MARK1: variants seen among roughly 807,000 people sequenced by gnomAD.
The protein encoded by MARK1 is serine/threonine-protein kinase MARK1.
A neutral mutation model predicts 96.3 loss-of-function variants in MARK1; 40 were observed. The ratio of observed to expected loss-of-function variants is 0.42; its 90% CI spans 0.32 to 0.54. MARK1 has a LOEUF of 0.54. Ranked by LOEUF, MARK1 falls within the 20% of genes least tolerant of loss-of-function variation. The pLI, the probability that MARK1 is intolerant of heterozygous loss-of-function variation, is 0.16. For missense variants in MARK1, 719 were observed against 984.6 expected (o/e 0.73, Z 3.61); for synonymous variants, 317 against 341.2 (o/e 0.93, Z 0.78).
chr1:220,592,551 G>A (rs893521885), intron 3 of MARK1, among the ~76,000 whole-genome samples: 2 of 152,112 alleles, frequency 1.3e-5, no homozygotes, highest in East Asian at 1.9e-4. Context: ...GCAGCCTTAC[G>A]AGACCTGAGC....
At chr1:220,593,119 A>C (rs1665105731) in intron 3 of MARK1, among the ~76,000 whole-genome samples, 1 of 152,192 alleles carries the variant, frequency 6.6e-6, no homozygotes, top group South Asian at 2.1e-4. Context: ...GAAACATAAT[A>C]ATGCTACTTA....
In MARK1 at chr1:220,579,359, A is replaced by G; in HGVS notation, c.57A>G (p.Thr19=). ...TVNERDTENH[T]SVDGYTEPHI... Reference sequence around the variant, plus strand: ...TCTTGTAAACTTTTTCTTAGCATACATCTGTGGATGGATATACTGAACCAC... The same window carrying G: ...TCTTGTAAACTTTTTCTTAGCATACGTCTGTGGATGGATATACTGAACCAC... Residue 19 remains threonine, a synonymous_variant, in exon 2 of 18, where the codon ACA becomes ACG. Coordinates refer to ENST00000366917, the MANE Select transcript of MARK1 (RefSeq NM_018650.5). 1 of 1,612,704 alleles carries G rather than the reference A, an allele frequency of 6.2e-7. No homozygotes were observed. The highest frequency in any genetic ancestry group is 8.5e-7 in the Non-Finnish European group (1 of 1,178,772).
At chr1:220,614,839 T>A (rs908808797) in intron 6 of MARK1, among the ~76,000 whole-genome samples, 1 of 152,186 alleles carries the variant, frequency 6.6e-6, no homozygotes, top group Non-Finnish European at 1.5e-5. Flanking sequence ...CAAACCATTT[T>A]AATATACATT....
At chr1:220,530,059 A>G (rs773780929) in intron 1 of MARK1, among the ~76,000 whole-genome samples, 10 of 152,198 alleles carry the variant, frequency 6.6e-5, no homozygotes, top group Non-Finnish European at 1.3e-4. Flanking sequence ...ATACAAGCTC[A>G]CTTCTGAGTT....
rs759242491 is a variant in MARK1 at position 220,652,006 on chromosome 1, G to A, written c.1592G>A (p.Ser531Asn). 3.1e-6 allele frequency: 5 copies of A among 1,606,342 alleles called. No homozygotes were observed. Among genetic ancestry groups the A allele is most frequent in the Non-Finnish European group, 4.3e-6 (5 of 1,173,986 alleles). The change falls in exon 15 of 18, where the codon AGT becomes AAT. Residue 531 changes from serine to asparagine, a missense_variant. This residue lies in a region of MARK1 where 501 missense variants were observed against 588.3 expected (regional missense o/e 0.85). Transcript: ENST00000366917. Reference protein sequence around the residue: ...KDSSLTEMSVSSISSAGSSVA... With the variant: ...KDSSLTEMSVNSISSAGSSVA... ...GAAAGCCTTACGGAGATGTCTGTGA[G>A]TAGCATATCTTCTGCAGGCTCTTCT...
intron 6 of MARK1, among the ~76,000 whole-genome samples, chr1:220,607,475 A>G (rs1256540336): frequency 1.3e-5 from 2 of 151,906 alleles, no homozygotes; most frequent in Non-Finnish European, 2.9e-5. Context: ...GCAAACAGGG[A>G]CCTCTTGACT....
intron 13 of MARK1, 87 bp downstream of exon 13, chr1:220,636,113 A>C (rs1300688922): frequency 5.3e-6 from 5 of 938,420 alleles, no homozygotes; most frequent in Non-Finnish European, 6.0e-6. Flanking sequence ...ATTTTTTTAA[A>C]TGATTGAAAA....
intron 3 of MARK1, among the ~76,000 whole-genome samples, chr1:220,581,624 A>ATTG (rs1341836580): frequency 6.6e-6 from 1 of 152,162 alleles, no homozygotes; most frequent in African/African-American, 2.4e-5. Flanking sequence ...AGAAGTTAAT[A>ATTG]TTGTTCATAG....
At chr1:220,572,500 C>T (rs1663543597) in intron 1 of MARK1, among the ~76,000 whole-genome samples, 1 of 152,206 alleles carries the variant, frequency 6.6e-6, no homozygotes, top group South Asian at 2.1e-4. Context: ...TCCTCAGCCT[C>T]CTGAAGTGCT....
In MARK1 at chr1:220,601,385, T is replaced by A. The variant is rs1665741695; in HGVS notation, c.424+1522T>A. 5.9e-5 allele frequency among the ~76,000 whole-genome samples: 9 copies of A among 151,780 alleles called. No homozygotes were observed. The South Asian group carries it at 1.9e-3, about 32-fold the overall frequency. On this transcript the variant is annotated intron_variant, in intron 5 of 17. Coordinates refer to ENST00000366917, the MANE Select transcript of MARK1 (RefSeq NM_018650.5). ...ACTTAACTTGAAAATCTATCATTAATGTTTATTATGATAGGATTTTAAAAA... is the reference window on the plus strand; with the variant it reads ...ACTTAACTTGAAAATCTATCATTAAAGTTTATTATGATAGGATTTTAAAAA...
At chr1:220,594,261 AG>A (rs1665177773) in intron 3 of MARK1, among the ~76,000 whole-genome samples, 1 of 152,224 alleles carries the variant, frequency 6.6e-6, no homozygotes, top group South Asian at 2.1e-4. Context: ...ATGGCAAATA[AG>A]CATATGAAAA....
intron 1 of MARK1, among the ~76,000 whole-genome samples, chr1:220,555,785 A>T (rs564633901): frequency 6.6e-6 from 1 of 152,180 alleles, no homozygotes; most frequent in African/African-American, 2.4e-5. Context: ...GGTAGAGAGA[A>T]AGTTTGGGTG....
intron 6 of MARK1, among the ~76,000 whole-genome samples, chr1:220,605,341 G>A (rs1272805253): frequency 1.3e-5 from 2 of 152,012 alleles, no homozygotes; most frequent in Non-Finnish European, 2.9e-5. Flanking sequence ...TGAATGTAAA[G>A]ACAACTAGTA....
At chr1:220,653,615 G>C (rs552329595) in intron 16 of MARK1, among the ~76,000 whole-genome samples, 1 of 152,112 alleles carries the variant, frequency 6.6e-6, no homozygotes, top group Admixed American at 6.5e-5. Flanking sequence ...CTTCAAAAAT[G>C]TGTGTTTTAA....
chr1:220,590,211 T>C (rs1664896480), intron 3 of MARK1, among the ~76,000 whole-genome samples: 1 of 152,242 alleles, frequency 6.6e-6, no homozygotes, highest in Non-Finnish European at 1.5e-5. Flanking sequence ...GAGGAAGAGA[T>C]ATCTTAGACA....
chr1:220,597,836 T>G (rs1457639383), intron 3 of MARK1, among the ~76,000 whole-genome samples: 1 of 152,216 alleles, frequency 6.6e-6, no homozygotes, highest in Non-Finnish European at 1.5e-5. Flanking sequence ...GTGTTTTTAT[T>G]GTTCTTTAAT....
At chr1:220,556,485 CAAAAAA>C (rs55808704) in intron 1 of MARK1, among the ~76,000 whole-genome samples, 12 of 85,776 alleles carry the variant, frequency 1.4e-4, no homozygotes, top group African/African-American at 4.6e-4. Flanking sequence ...GGGACTGTCA[CAAAAAA>C]AAAAAAAAAA....
intron 17 of MARK1, among the ~76,000 whole-genome samples, chr1:220,658,698 A>G (rs1669309806): frequency 6.6e-6 from 1 of 152,232 alleles, no homozygotes; most frequent in Non-Finnish European, 1.5e-5. Context: ...CAAACCTCCA[A>G]TTTGATTTCT....
At chr1:220,620,997 TA>T (rs1667026600) in intron 9 of MARK1, among the ~76,000 whole-genome samples, 1 of 152,126 alleles carries the variant, frequency 6.6e-6, no homozygotes, top group South Asian at 2.1e-4. Flanking sequence ...TTATTTTTCA[TA>T]CCAATTTTAT....
Sources: gnomAD v4.1 joint callset for allele counts (sites outside exome capture counted in the v4.1 genomes callset) on GRCh38, gnomAD v4.1.1 for gene constraint, gnomAD v4.1.1 regional missense constraint, MANE v1.5 for transcripts, NCBI Gene and HGNC (gene_info 2026-07-23, HGNC 2026-07-21) for gene names.